EBPL: variants seen among roughly 807,000 people sequenced by gnomAD.
EBPL encodes the protein EBP like, also known as emopamil-binding protein-like.
Under a neutral mutation model 19.0 loss-of-function variants are expected in EBPL, and 20 were observed. The observed-to-expected ratio is 1.05, with a 90% CI of 0.74 to 1.53. The LOEUF is 1.53. Ranked by LOEUF, EBPL falls within the 40% of genes most tolerant of loss-of-function variation. The pLI is 0.00. For missense variants in EBPL, 219 were observed against 261.1 expected, an observed-to-expected ratio of 0.84 and a Z score of 1.11; for synonymous variants, 107 against 117.0, an observed-to-expected ratio of 0.91 and a Z score of 0.55.
In EBPL at chr13:49,663,561, A is replaced by G. The variant is rs1163265152; in HGVS notation, c.242-366T>C. 3.9e-5 allele frequency among the ~76,000 whole-genome samples: 6 copies of G among 152,202 alleles called. No individual in the cohort carries two copies. In the East Asian group the frequency reaches 1.2e-3, roughly 29 times the overall value. On this transcript the variant is annotated intron_variant, in intron 2 of 3. Coordinates refer to ENST00000242827, the MANE Select transcript of EBPL (RefSeq NM_032565.5). ...TCATGATCTTGGTAAATACATTGTA[A>G]TTCCTTACTTCAAAATTTCCATATA... is the stretch of plus-strand genomic sequence containing the variant.
chr13:49,665,715 C>CTTTTT (rs35993290), intron 2 of EBPL, among the ~76,000 whole-genome samples: 2 of 146,938 alleles, frequency 1.4e-5, no homozygotes. Context: ...TTCAACAAGT[C>CTTTTT]TTTTTTTTTT....
intron 2 of EBPL, among the ~76,000 whole-genome samples, chr13:49,669,045 A>G (rs921064256): frequency 1.3e-5 from 2 of 150,706 alleles, no homozygotes; most frequent in African/African-American, 2.4e-5. Flanking sequence ...ACGCCCAGCC[A>G]ATTTTTTATA....
At chr13:49,665,507 G>T (rs1210108343) in intron 2 of EBPL, among the ~76,000 whole-genome samples, 1 of 152,180 alleles carries the variant, frequency 6.6e-6, no homozygotes, top group Non-Finnish European at 1.5e-5. Flanking sequence ...CTGACCTCAG[G>T]TGATCCACCT....
At position 49,691,457 on chromosome 13, in the gene EBPL, C is replaced by T. The variant is rs754494752; in HGVS notation, c.-33G>A. On this transcript the variant is annotated 5_prime_UTR_variant, in exon 1 of 4. The change abolishes an upstream ATG in the 5' untranslated region. Coordinates refer to ENST00000242827, the MANE Select transcript of EBPL (RefSeq NM_032565.5). ...GCTTCCGACGCCAACGGCCCAGGAC[C>T]ATGCGGCAGAGGAAAGCAGGGAGAG... 3 of 1,304,994 alleles carry T rather than the reference C, an allele frequency of 2.3e-6. No homozygotes were observed. Among genetic ancestry groups the T allele is most frequent in the South Asian group, 2.9e-5 (1 of 33,944 alleles). The allele number at this position is 1,304,994 out of a possible 1,614,324, so 80.8% of individuals were successfully genotyped here. A position where few individuals can be genotyped will look rare whatever the true frequency, so the allele number is the denominator to read the frequency against.
intron 3 of EBPL, 103 bp from the exon 4 acceptor site, chr13:49,661,311 A>G: frequency 2.1e-6 from 2 of 947,854 alleles, no homozygotes; most frequent in Admixed American, 2.2e-5. Flanking sequence ...AGTCTTCGCT[A>G]TGAAAACCGT....
chr13:49,666,866 G>A (rs1965236472), intron 2 of EBPL, among the ~76,000 whole-genome samples: 1 of 149,824 alleles, frequency 6.7e-6, no homozygotes, highest in South Asian at 2.2e-4. Flanking sequence ...TCCAGCCTGG[G>A]AGACAGAGCG....
At chr13:49,667,507 C>T (rs753240305) in intron 2 of EBPL, among the ~76,000 whole-genome samples, 1 of 152,168 alleles carries the variant, frequency 6.6e-6, no homozygotes, top group South Asian at 2.1e-4. Flanking sequence ...CTGCCCTAGA[C>T]ACACGGTATC....
chr13:49,668,935 A>G (rs1953778767), intron 2 of EBPL, among the ~76,000 whole-genome samples: 1 of 149,022 alleles, frequency 6.7e-6, no homozygotes, highest in South Asian at 2.1e-4. Context: ...ACTGGAGTGC[A>G]GTGGCGTGAT....
chr13:49,668,881 ATTT>A (rs371547557), intron 2 of EBPL, among the ~76,000 whole-genome samples: 4 of 142,210 alleles, frequency 2.8e-5, no homozygotes, highest in Admixed American at 7.1e-5. Context: ...CACTACCAAC[ATTT>A]TTTTTTTTTT....
intron 1 of EBPL, among the ~76,000 whole-genome samples, chr13:49,676,602 AAAT>A (rs869205964): frequency 2.2e-4 from 5 of 22,706 alleles, no homozygotes; most frequent in South Asian, 1.9e-3. Context: ...AAAAAAAATA[AAAT>A]AAATAAATAA....
chr13:49,680,620 G>A (rs1249049017), intron 1 of EBPL, among the ~76,000 whole-genome samples: 7 of 152,102 alleles, frequency 4.6e-5, no homozygotes, highest in African/African-American at 9.7e-5. Flanking sequence ...TCAGGAGATC[G>A]AGACCATCCT....
intron 1 of EBPL, among the ~76,000 whole-genome samples, chr13:49,674,092 A>G (rs1953850044): frequency 6.6e-6 from 1 of 151,988 alleles, no homozygotes; most frequent in Non-Finnish European, 1.5e-5. Context: ...TTTGGTACCA[A>G]AATTATCAAA....
chr13:49,690,711 C>T (rs1301628979), intron 1 of EBPL, among the ~76,000 whole-genome samples: 2 of 152,128 alleles, frequency 1.3e-5, no homozygotes, highest in Non-Finnish European at 2.9e-5. Context: ...CCTACCTTCA[C>T]CTCTGTAAAA....
intron 1 of EBPL, among the ~76,000 whole-genome samples, chr13:49,678,994 T>G (rs1333121893): frequency 2.4e-5 from 2 of 83,356 alleles, no homozygotes; most frequent in African/African-American, 5.3e-5. Context: ...GGTGACAGAG[T>G]GAGACTCCGT....
chr13:49,675,974 C>T (rs1953871697), intron 1 of EBPL, among the ~76,000 whole-genome samples: 2 of 151,818 alleles, frequency 1.3e-5, no homozygotes, highest in Non-Finnish European at 1.5e-5. Context: ...ACTAGTGATG[C>T]TGAACATATT....
intron 1 of EBPL, among the ~76,000 whole-genome samples, chr13:49,685,904 T>C (rs1953992111): frequency 6.7e-6 from 1 of 149,726 alleles, no homozygotes; most frequent in Non-Finnish European, 1.5e-5. Context: ...ACTGGAATTG[T>C]GGCAGTGGGC....
intron 2 of EBPL, among the ~76,000 whole-genome samples, chr13:49,665,866 A>G (rs1965219060): frequency 6.6e-6 from 1 of 152,152 alleles, no homozygotes; most frequent in African/African-American, 2.4e-5. Context: ...AGGGCAGGGA[A>G]GAAGTGGCAC....
chr13:49,662,528 T>A (rs1045906068), intron 3 of EBPL, among the ~76,000 whole-genome samples: 1 of 152,090 alleles, frequency 6.6e-6, no homozygotes, highest in African/African-American at 2.4e-5. Flanking sequence ...CTCTACAGAG[T>A]CTAGGTTGTT....
At chr13:49,691,225 G>A (rs1594421150) in intron 1 of EBPL, 29 bp downstream of exon 1, 4 of 1,316,944 alleles carry the variant, frequency 3.0e-6, no homozygotes, top group East Asian at 2.9e-5. Flanking sequence ...CTGGGATGGG[G>A]AGTGCAGGGT....
Sources: gnomAD v4.1 joint callset for allele counts (sites outside exome capture counted in the v4.1 genomes callset) on GRCh38, gnomAD v4.1.1 for gene constraint, MANE v1.5 for transcripts, NCBI Gene and HGNC (gene_info 2026-07-23, HGNC 2026-07-21) for gene names.